Variants in TMEM108 observed in about 807,000 individuals in gnomAD.
The protein encoded by TMEM108 is cancer/testis antigen 124.
A neutral mutation model predicts 35.1 loss-of-function variants in TMEM108; 12 were observed. The observed-to-expected ratio is 0.34, with a 90% CI of 0.22 to 0.55. The LOEUF (loss-of-function observed/expected upper bound fraction) is 0.55, where lower values mean the gene tolerates loss of function less well. TMEM108 is among the 20% of genes least tolerant of loss of function. The pLI, the probability that TMEM108 is intolerant of heterozygous loss-of-function variation, is 0.89. For missense variants in TMEM108, 680 were observed against 753.3 expected (o/e 0.90, Z 1.14); for synonymous variants, 287 against 308.6 (o/e 0.93, Z 0.73).
intron 3 of TMEM108, among the ~76,000 whole-genome samples, chr3:133,279,282 C>T (rs1412062124): frequency 2.0e-5 from 3 of 152,196 alleles, no homozygotes; most frequent in East Asian, 1.9e-4. Flanking sequence ...TTTTGAGACA[C>T]CTGTTACTCC....
intron 2 of TMEM108, among the ~76,000 whole-genome samples, chr3:133,135,603 A>G (rs1253817775): frequency 6.6e-6 from 1 of 152,208 alleles, no homozygotes; most frequent in Non-Finnish European, 1.5e-5. Flanking sequence ...TGGCATGATT[A>G]GATGCATTAT....
chr3:133,088,893 A>G (rs1943914394), intron 2 of TMEM108, among the ~76,000 whole-genome samples: 1 of 152,182 alleles, frequency 6.6e-6, no homozygotes, highest in Admixed American at 6.5e-5. Flanking sequence ...CAGAAAATAC[A>G]CAATGCTGGG....
intron 3 of TMEM108, among the ~76,000 whole-genome samples, chr3:133,279,455 A>G (rs1946882759): frequency 6.6e-6 from 1 of 152,240 alleles, no homozygotes; most frequent in Non-Finnish European, 1.5e-5. Flanking sequence ...GGCAGATAGT[A>G]ATGACCCTAA....
At chr3:133,375,841 C>T (rs1181852269) in intron 3 of TMEM108, among the ~76,000 whole-genome samples, 1 of 152,162 alleles carries the variant, frequency 6.6e-6, no homozygotes, top group Non-Finnish European at 1.5e-5. Flanking sequence ...AAGTCACTTC[C>T]CTCCTTCTGT....
At chr3:133,172,113 A>G (rs1182028829) in intron 2 of TMEM108, among the ~76,000 whole-genome samples, 2 of 152,186 alleles carry the variant, frequency 1.3e-5, no homozygotes, top group African/African-American at 4.8e-5. Flanking sequence ...TTTGCATTTA[A>G]CGCTCACAGG....
At chr3:133,248,205 C>G (rs1159172679) in intron 3 of TMEM108, 1 of 151,970 alleles carries the variant, frequency 6.6e-6, no homozygotes, top group East Asian at 1.9e-4. Flanking sequence ...CGATAACAAG[C>G]CTTTTGTACT....
intron 3 of TMEM108, among the ~76,000 whole-genome samples, chr3:133,340,508 A>G (rs1402446095): frequency 6.6e-6 from 1 of 151,718 alleles, no homozygotes; most frequent in Admixed American, 6.6e-5. Context: ...ACTAATACCA[A>G]TTCTACTCAA....
In TMEM108 at chr3:133,378,581, G is replaced by A. The variant is rs1265853709; in HGVS notation, c.41-1171G>A. The A allele has an allele frequency of 4.1e-6, 4 of 979,944 alleles. No homozygotes were observed. The East Asian group carries it at 3.4e-4, about 83-fold the overall frequency. 60.7% of individuals were successfully genotyped at this position (979,944 alleles called of 1,614,324 possible). On this transcript the variant is annotated intron_variant, in intron 3 of 5. Transcript: ENST00000321871. ...GGTCAGAATCAGGCCTCAGAGGACT[G>A]TTGGCCCTTCCTCAGCCGTAGAGAC...
Position 133,317,482 on chromosome 3 carries a change from C to A in TMEM108, c.41-62270C>A, listed in dbSNP as rs374095814. Among the ~76,000 whole-genome samples, 11 of 152,270 alleles carry A rather than the reference C, an allele frequency of 7.2e-5. No homozygotes were observed. The East Asian group carries it at 1.2e-3, about 16-fold the overall frequency. On this transcript the variant is annotated intron_variant, in intron 3 of 5. Coordinates refer to ENST00000321871, the MANE Select transcript of TMEM108 (RefSeq NM_023943.4). ...CTAAAAATTGTGGGTAATAGATTTA[C>A]ACATTTCCCAGATGGCTTACAGAAT...
intron 2 of TMEM108, among the ~76,000 whole-genome samples, chr3:133,110,051 C>T (rs780012884): frequency 2.6e-4 from 39 of 152,128 alleles, no homozygotes; most frequent in Non-Finnish European, 5.6e-4. Flanking sequence ...TTTTAGCTTC[C>T]ACTGTAATTG....
chr3:133,364,843 C>T (rs1226368525), intron 3 of TMEM108, among the ~76,000 whole-genome samples: 2 of 152,154 alleles, frequency 1.3e-5, no homozygotes, highest in Non-Finnish European at 2.9e-5. Flanking sequence ...AGAAGTACTG[C>T]CAGAATCAAC....
At chr3:133,216,845 C>T (rs1576389041) in intron 2 of TMEM108, among the ~76,000 whole-genome samples, 2 of 152,166 alleles carry the variant, frequency 1.3e-5, no homozygotes, top group Admixed American at 1.3e-4. Context: ...TTGACAGATA[C>T]TTAGGTTGAT....
intron 2 of TMEM108, among the ~76,000 whole-genome samples, chr3:133,164,720 T>C (rs1296069208): frequency 1.3e-5 from 2 of 152,184 alleles, no homozygotes; most frequent in African/African-American, 2.4e-5. Context: ...TAGGGGCCTC[T>C]TGTGACCCTT....
intron 3 of TMEM108, among the ~76,000 whole-genome samples, chr3:133,298,764 G>A (rs1462876258): frequency 6.6e-6 from 1 of 152,148 alleles, no homozygotes; most frequent in Non-Finnish European, 1.5e-5. Flanking sequence ...TGACAGAGAT[G>A]GGCGTGTGCT....
rs577570622 is a variant in TMEM108, at chr3:133,058,602, C to T, written c.-47+12582C>T. On this transcript the variant is annotated intron_variant, in intron 2 of 5. Coordinates refer to ENST00000321871, the MANE Select transcript of TMEM108 (RefSeq NM_023943.4). The stretch of plus-strand genomic sequence containing the variant: ...GGTTGGAAGGGATGGGGTGGGAACG[C>T]ACTTGAGGGGTGAGAGGCCCCCAGA... Among the ~76,000 whole-genome samples the T allele has an allele frequency of 9.2e-5, 14 of 152,328 alleles. No homozygotes were observed. In the South Asian group the frequency reaches 2.5e-3, roughly 27 times the overall value.
At chr3:133,390,430 C>T (rs1046139645) in intron 5 of TMEM108, 96 bp downstream of exon 5, 21 of 1,381,436 alleles carry the variant, frequency 1.5e-5, no homozygotes, top group African/African-American at 4.3e-5. Context: ...TGCTCCTTAA[C>T]GTATGGCCCA....
At chr3:133,225,598 A>G (rs1946058781) in intron 2 of TMEM108, among the ~76,000 whole-genome samples, 1 of 152,154 alleles carries the variant, frequency 6.6e-6, no homozygotes, top group Non-Finnish European at 1.5e-5. Context: ...TCTCTCCCAA[A>G]TTAATAAAGC....
chr3:133,277,971 C>T (rs375870794), intron 3 of TMEM108, among the ~76,000 whole-genome samples: 26 of 152,196 alleles, frequency 1.7e-4, no homozygotes, highest in African/African-American at 6.0e-4. Flanking sequence ...CAGCTGGCAA[C>T]TTCAAGCAGT....
chr3:133,172,922 C>G (rs1170707279), intron 2 of TMEM108, among the ~76,000 whole-genome samples: 1 of 152,206 alleles, frequency 6.6e-6, no homozygotes, highest in Non-Finnish European at 1.5e-5. Flanking sequence ...TCCACAAGCT[C>G]TCTCTCTTTG....
Sources: allele counts gnomAD v4.1 joint callset (sites outside exome capture counted in the v4.1 genomes callset), GRCh38; gene constraint gnomAD v4.1.1; transcripts MANE v1.5; gene names NCBI Gene and HGNC (gene_info 2026-07-23, HGNC 2026-07-21).